RELN: variants seen among roughly 807,000 people sequenced by gnomAD.
RELN encodes the protein reelin.
Under a neutral mutation model 427.6 loss-of-function variants are expected in RELN, and 108 were observed. The ratio of observed to expected loss-of-function variants is 0.25; its 90% confidence interval spans 0.22 to 0.30. The LOEUF (loss-of-function observed/expected upper bound fraction) is 0.30. Ranked by LOEUF, RELN falls within the 10% of genes least tolerant of loss-of-function variation. RELN has a pLI of 1.00. For missense variants in RELN, 3,715 were observed against 4,302.8 expected (o/e 0.86, Z 3.82); for synonymous variants, 1,524 against 1,513.4 (o/e 1.01, Z -0.16).
chr7:103,473,119 T>C (rs1827913952), intron 64 of RELN: 1 of 671,352 alleles, frequency 1.5e-6, no homozygotes, highest in Admixed American at 2.1e-5. Context: ...CTTGAAGAAA[T>C]CCCTGTCTTT....
At chr7:103,820,051 T>C (rs1328571740) in intron 3 of RELN, among the ~76,000 whole-genome samples, 1 of 152,044 alleles carries the variant, frequency 6.6e-6, no homozygotes, top group Non-Finnish European at 1.5e-5. Flanking sequence ...ATAAAATCTC[T>C]ATAAAACTAT....
At chr7:103,851,333 G>A (rs1234562223) in intron 2 of RELN, among the ~76,000 whole-genome samples, 1 of 152,116 alleles carries the variant, frequency 6.6e-6, no homozygotes, top group Non-Finnish European at 1.5e-5. Context: ...GGGGACTTGG[G>A]GGGAAGAGTG....
intron 42 of RELN, among the ~76,000 whole-genome samples, chr7:103,543,297 TA>T (rs901048523): frequency 6.6e-6 from 1 of 152,132 alleles, no homozygotes; most frequent in Non-Finnish European, 1.5e-5. Context: ...ACAAAATATT[TA>T]AAAAAACAGT....
rs190262224 is a variant in RELN at position 103,738,482 on chromosome 7, T to C, written c.657-10275A>G. On this transcript the variant is annotated intron_variant, in intron 6 of 64. Coordinates refer to ENST00000428762, the MANE Select transcript of RELN (RefSeq NM_005045.4). ...CAGGTTCTGAAAATGCATCCATCTA[T>C]GTAACCCACATCCTCTCATGATATA... Among the ~76,000 whole-genome samples, 14 of 152,108 alleles carry C rather than the reference T, an allele frequency of 9.2e-5. No homozygotes were observed. The East Asian group carries it at 2.3e-3, about 25-fold the overall frequency.
intron 3 of RELN, among the ~76,000 whole-genome samples, chr7:103,781,785 C>G (rs1039663790): frequency 2.0e-5 from 3 of 151,574 alleles, no homozygotes; most frequent in Non-Finnish European, 2.9e-5. Flanking sequence ...AATAAGAATA[C>G]AGAGTTATGG....
intron 15 of RELN, 60 bp downstream of exon 15, chr7:103,651,601 T>C: frequency 1.3e-6 from 2 of 1,546,670 alleles, no homozygotes; most frequent in Non-Finnish European, 1.8e-6. Flanking sequence ...GATAACTCAT[T>C]GATTTTTATT....
chr7:103,886,869 G>C (rs563134179), intron 2 of RELN, among the ~76,000 whole-genome samples: 1 of 152,256 alleles, frequency 6.6e-6, no homozygotes, highest in African/African-American at 2.4e-5. Context: ...TCACTTGCTA[G>C]CAACCTAGTA....
intron 8 of RELN, among the ~76,000 whole-genome samples, chr7:103,707,898 A>G (rs1014513812): frequency 6.6e-6 from 1 of 152,246 alleles, no homozygotes; most frequent in Non-Finnish European, 1.5e-5. Flanking sequence ...AGAAACAAAT[A>G]ATATTTACCA....
intron 10 of RELN, among the ~76,000 whole-genome samples, chr7:103,686,347 C>A (rs1451677766): frequency 6.6e-6 from 1 of 152,040 alleles, no homozygotes; most frequent in Non-Finnish European, 1.5e-5. Context: ...ATACAAAGTG[C>A]GCTTTAAAAG....
Position 103,535,343 on chromosome 7 carries a change from A to C in RELN, c.7322T>G (p.Ile2441Ser), listed in dbSNP as rs750302649. 1 of 1,614,030 alleles carries C rather than the reference A, an allele frequency of 6.2e-7. No individual in the cohort carries two copies. The highest frequency in any genetic ancestry group is 8.5e-7 in the Non-Finnish European group (1 of 1,179,944). The change falls in exon 46 of 65, where the codon ATC (isoleucine) becomes AGC (serine). Residue 2441 changes from isoleucine to serine, a missense_variant. By Grantham distance (142) the Ile-to-Ser change is moderately radical (BLOSUM62 -2). Coordinates refer to ENST00000428762, the MANE Select transcript of RELN (RefSeq NM_005045.4). ...VSDTFNKWTRITLPLPPYTRS... is the reference protein window; with the variant it reads ...VSDTFNKWTRSTLPLPPYTRS... ...GGTATAAGGAGGGAGAGGCAGAGTG[A>C]TTCTAGTCCACTTGTTGAAAGTGTC...
intron 2 of RELN, among the ~76,000 whole-genome samples, chr7:103,860,234 C>T (rs977663624): frequency 2.0e-5 from 3 of 152,140 alleles, no homozygotes; most frequent in Non-Finnish European, 4.4e-5. Flanking sequence ...ACTTAATATT[C>T]ATCATATCAT....
chr7:103,497,733 A>G (rs1828882489), intron 55 of RELN, 87 bp downstream of exon 55: 3 of 1,089,236 alleles, frequency 2.8e-6, no homozygotes, highest in Admixed American at 3.5e-5. Flanking sequence ...CTGTGAAGTC[A>G]GCAAAGCTTT....
intron 40 of RELN, 126 bp from the exon 41 acceptor site, chr7:103,551,422 T>A: frequency 2.7e-6 from 2 of 734,126 alleles, no homozygotes; most frequent in Non-Finnish European, 4.8e-6. Context: ...TTTAATACTA[T>A]AAAATTATGT....
chr7:103,553,731 T>G lies in RELN; in HGVS notation c.5898A>C (p.Arg1966Ser), dbSNP rs1230519481. 1 of 1,614,148 alleles carries G rather than the reference T, an allele frequency of 6.2e-7. No homozygotes were observed. Among genetic ancestry groups the G allele is most frequent in the South Asian group, 1.1e-5 (1 of 91,080 alleles). ...MLLDTFDFGP[R>S]EDNWFFYPGG... ...CAGGATAGAAAAACCAATTGTCTTC[T>G]CTGGGCCCAAAATCAAATGTATCCA... The change falls in exon 39 of 65, where the codon AGA becomes AGC. Residue 1966 changes from arginine to serine, a missense_variant. Transcript: ENST00000428762.
intron 3 of RELN, among the ~76,000 whole-genome samples, chr7:103,807,705 C>T (rs1792634804): frequency 6.6e-6 from 1 of 152,160 alleles, no homozygotes; most frequent in Non-Finnish European, 1.5e-5. Flanking sequence ...TAAGTGACAA[C>T]ATGTGGTGTT....
At position 103,539,204 on chromosome 7, in the gene RELN, C is replaced by T; in HGVS notation, c.7054G>A (p.Asp2352Asn). 1 of 1,614,242 alleles carries T rather than the reference C, an allele frequency of 6.2e-7. No individual in the cohort carries two copies. Among genetic ancestry groups the T allele is most frequent in the Non-Finnish European group, 8.5e-7 (1 of 1,180,044 alleles). Reference sequence around the variant, plus strand: ...GCCTTTTCAATGAAGACCAGGGCATCACCAGTAGAGCCACACACGGGCATC... The same window carrying T: ...GCCTTTTCAATGAAGACCAGGGCATTACCAGTAGAGCCACACACGGGCATC... ...TKMPVCGSTGDALVFIEKAST... is the reference protein window; with the variant it reads ...TKMPVCGSTGNALVFIEKAST... Residue 2352 changes from aspartate (D) to asparagine (N), a missense_variant, in exon 45 of 65, where the codon GAT (aspartate) becomes AAT (asparagine). Transcript: ENST00000428762.
chr7:103,903,840 TTTTG>T (rs1000479111), intron 2 of RELN, among the ~76,000 whole-genome samples: 4 of 137,414 alleles, frequency 2.9e-5, no homozygotes, highest in African/African-American at 5.4e-5. Flanking sequence ...ACATATCTTT[TTTTG>T]TTTTTGTTTT....
At chr7:103,978,117 T>C (rs1270445794) in intron 1 of RELN, among the ~76,000 whole-genome samples, 1 of 152,232 alleles carries the variant, frequency 6.6e-6, no homozygotes, top group Non-Finnish European at 1.5e-5. Flanking sequence ...AACATCTTGA[T>C]AAGAAGTATA....
rs1466580714 is a variant in RELN, at chr7:103,539,156, T to C, written c.7102A>G (p.Thr2368Ala). ...EKASTRYVVS[T>A]DVAVNEDSFL... ...GAATCCTCATTCACGGCAACGTCTG[T>C]GCTGACCACGTAACGGGTGCTGGCC... The change falls in exon 45 of 65, where the codon ACA (threonine) becomes GCA (alanine). Residue 2368 changes from threonine to alanine, a missense_variant. Physicochemically the swap from Thr to Ala is moderately conservative, Grantham distance 58. Around this residue, in one of 4 missense-constraint regions of RELN, gnomAD observed 1,310 missense variants for 1,643.0 expected, o/e 0.80. Transcript: ENST00000428762. 2 of 1,614,102 alleles carry C rather than the reference T, an allele frequency of 1.2e-6. No individual in the cohort carries two copies. The highest frequency in any genetic ancestry group is 1.7e-6 in the Non-Finnish European group (2 of 1,180,052).
Sources: allele counts gnomAD v4.1 joint callset (sites outside exome capture counted in the v4.1 genomes callset), GRCh38; gene constraint gnomAD v4.1.1; regional missense constraint gnomAD v4.1.1; transcripts MANE v1.5; gene names NCBI Gene and HGNC (gene_info 2026-07-23, HGNC 2026-07-21).